Variants in DGKD observed in about 807,000 individuals in gnomAD.
The protein encoded by DGKD is diacylglycerol kinase delta.
DGKD carries 68 observed loss-of-function variants against 154.4 expected under a neutral mutation model. The ratio of observed to expected loss-of-function variants is 0.44; its 90% CI spans 0.36 to 0.54. DGKD has a LOEUF of 0.54. Among genes scored for constraint, DGKD ranks in the 20% least tolerant of loss-of-function variants. The probability of loss-of-function intolerance (pLI) is 0.00; values close to 1 mark genes in which losing one functional copy is unlikely to be tolerated. For missense variants in DGKD, 1,343 were observed against 1,593.6 expected (o/e 0.84, Z 2.68); for synonymous variants, 693 against 638.0 (o/e 1.09, Z -1.30).
At chr2:233,463,542 C>T (rs1575176303) in intron 26 of DGKD, among the ~76,000 whole-genome samples, 1 of 145,706 alleles carries the variant, frequency 6.9e-6, no homozygotes, top group East Asian at 2.0e-4. Flanking sequence ...CTCCTCACTC[C>T]ACGCATCTCC....
At chr2:233,454,513 T>G in intron 18 of DGKD, 2 of 495,840 alleles carry the variant, frequency 4.0e-6, no homozygotes, top group Non-Finnish European at 8.0e-6. Flanking sequence ...GGCTTTCTCT[T>G]TAGGGGGATG....
chr2:233,419,520 C>T, intron 3 of DGKD: 2 of 846,452 alleles, frequency 2.4e-6, no homozygotes, highest in Non-Finnish European at 2.8e-6. Context: ...ATTGAGCTTC[C>T]TTGTAAGATG....
chr2:233,447,953 A>G (rs2063141319), intron 12 of DGKD, 134 bp from the exon 13 acceptor site: 1 of 1,509,284 alleles, frequency 6.6e-7, no homozygotes, highest in South Asian at 1.3e-5. Context: ...TGGCTGGGTC[A>G]GACAGTGTCT....
At chr2:233,387,768 G>T (rs547583431) in intron 1 of DGKD, among the ~76,000 whole-genome samples, 1 of 152,154 alleles carries the variant, frequency 6.6e-6, no homozygotes, top group Non-Finnish European at 1.5e-5. Flanking sequence ...GGCTGAGGGC[G>T]CGGGCCTGGA....
At chr2:233,355,977 G>A (rs1701516168) in intron 1 of DGKD, among the ~76,000 whole-genome samples, 1 of 152,224 alleles carries the variant, frequency 6.6e-6, no homozygotes, top group African/African-American at 2.4e-5. Flanking sequence ...TGGAACCATG[G>A]TCAGGACCGT....
intron 12 of DGKD, among the ~76,000 whole-genome samples, chr2:233,447,132 C>T (rs530104989): frequency 6.6e-6 from 1 of 152,194 alleles, no homozygotes; most frequent in African/African-American, 2.4e-5. Context: ...CGTTCCCTCC[C>T]CCGCCGCGGT....
At chr2:233,426,927 C>T (rs1200308223) in intron 3 of DGKD, among the ~76,000 whole-genome samples, 2 of 152,194 alleles carry the variant, frequency 1.3e-5, no homozygotes, top group Non-Finnish European at 1.5e-5. Context: ...TCAAATTGAG[C>T]ACCGGGTCAT....
intron 1 of DGKD, among the ~76,000 whole-genome samples, chr2:233,367,389 C>T (rs145666432): frequency 0.033 from 5,056 of 152,120 alleles, 269 homozygotes; most frequent in African/African-American, 0.12. Context: ...CCACCATGCC[C>T]GGCTGATTTT....
intron 1 of DGKD, among the ~76,000 whole-genome samples, chr2:233,385,572 G>A (rs1414316298): frequency 6.6e-6 from 1 of 152,178 alleles, no homozygotes; most frequent in African/African-American, 2.4e-5. Context: ...GCCCGGCATG[G>A]CCCGAGCGAA....
Position 233,442,222 on chromosome 2 carries a change from G to A in DGKD, c.1194+227G>A. 2 of 654,036 alleles carry A rather than the reference G, an allele frequency of 3.1e-6. 1 individual carries two copies. The highest frequency in any genetic ancestry group is 3.0e-5 in the South Asian group (2 of 66,196). 40.5% of individuals were successfully genotyped at this position (654,036 alleles called of 1,614,324 possible). ...GGCTCTGGCCATGATGTATGAGGGG[G>A]ACCTGAAGGGAGCTACGAAAAGAAT... On this transcript the variant is annotated intron_variant, in intron 10 of 29. Coordinates refer to ENST00000264057, the MANE Select transcript of DGKD (RefSeq NM_152879.3).
Position 233,470,005 on chromosome 2 carries a change from T to A in DGKD, c.*545T>A, listed in dbSNP as rs961149482. ...GCTCTTTCCTGGTTTGAAAGTAGCA[T>A]GGATGTTTCCAGTCTTGTTGATTGT... On this transcript the variant is annotated 3_prime_UTR_variant, in exon 30 of 30. Coordinates refer to ENST00000264057, the MANE Select transcript of DGKD (RefSeq NM_152879.3). 1 of 152,610 alleles carries A rather than the reference T, an allele frequency of 6.6e-6. No homozygotes were observed. Among genetic ancestry groups the A allele is most frequent in the African/African-American group, 2.4e-5 (1 of 41,480 alleles). 9.5% of individuals were successfully genotyped at this position (152,610 alleles called of 1,614,324 possible). A position where few individuals can be genotyped will look rare whatever the true frequency, so the allele number is the denominator to read the frequency against.
rs781273028 is a variant in DGKD at position 233,457,663 on chromosome 2, G to A, written c.2580+335G>A. On this transcript the variant is annotated intron_variant, in intron 21 of 29. Transcript: ENST00000264057. The surrounding 1 kb of genome is among the most constrained non-coding windows in gnomAD (Gnocchi z 5.5). Reference sequence around the variant, plus strand: ...GGCTAAGTTAGGTGGGCAGAGGAGAGGGGGAGGCTGTTCCAGGCAGAGAGA... The same window carrying A: ...GGCTAAGTTAGGTGGGCAGAGGAGAAGGGGAGGCTGTTCCAGGCAGAGAGA... The A allele has an allele frequency of 4.3e-6, 2 of 464,882 alleles. No individual in the cohort carries two copies. Among genetic ancestry groups the A allele is most frequent in the Non-Finnish European group, 8.5e-6 (2 of 235,748 alleles). The allele number at this position is 464,882 out of a possible 1,614,324, so 28.8% of individuals were successfully genotyped here. A position where few individuals can be genotyped will look rare whatever the true frequency, so the allele number is the denominator to read the frequency against.
chr2:233,402,657 G>T, intron 3 of DGKD, among the ~76,000 whole-genome samples: 1 of 152,354 alleles, frequency 6.6e-6, no homozygotes, highest in Admixed American at 6.5e-5. Context: ...CCGGCCGGCA[G>T]CTTGGGGACA....
In DGKD at chr2:233,454,850, C is replaced by T. The variant is rs751829089; in HGVS notation, c.2352C>T (p.Arg784=). Residue 784 remains arginine, a synonymous_variant, in exon 19 of 30, where the codon CGC becomes CGT. Transcript: ENST00000264057. ...TATCCCTGGACTTTAACAACAAGCG[C>T]GATGAGCACCCAGAGAAGTGCAGGT... is the stretch of plus-strand genomic sequence containing the variant. The part of the protein sequence containing the change: ...AKISLDFNNK[R]DEHPEKCRSR... 8.1e-6 allele frequency: 13 copies of T among 1,613,326 alleles called. No homozygotes were observed. Among genetic ancestry groups the T allele is most frequent in the Middle Eastern group, 1.6e-4 (1 of 6,084 alleles).
At position 233,427,335 on chromosome 2, in the gene DGKD, T is replaced by G. The variant is rs1441370446; in HGVS notation, c.349-7045T>G. ...TCCTGTTGAGTTCAGTTTATTGCCC[T>G]GCTTTTTTTTTTTTTTTTTTTTTGA... On this transcript the variant is annotated intron_variant, in intron 3 of 29. Transcript: ENST00000264057. Among the ~76,000 whole-genome samples the G allele has an allele frequency of 3.8e-5, 5 of 131,434 alleles. No homozygotes were observed. In the East Asian group the frequency reaches 1.1e-3, roughly 29 times the overall value. 86.2% of individuals were successfully genotyped at this position (131,434 alleles called of 152,430 possible).
At chr2:233,371,686 T>C (rs1702331262) in intron 1 of DGKD, among the ~76,000 whole-genome samples, 1 of 152,256 alleles carries the variant, frequency 6.6e-6, no homozygotes, top group Admixed American at 6.5e-5. Flanking sequence ...ATTTAGTCTT[T>C]GATCCATTTT....
chr2:233,437,352 G>A (rs779848067), intron 7 of DGKD, 25 bp from the exon 8 acceptor site: 2 of 1,605,850 alleles, frequency 1.2e-6, no homozygotes, highest in Admixed American at 1.7e-5. Flanking sequence ...AGTGACCCTT[G>A]GTGACGCGGG....
In DGKD at chr2:233,438,075, T is replaced by G; in HGVS notation, c.923-142T>G. 1 of 936,184 alleles carries G rather than the reference T, an allele frequency of 1.1e-6. No homozygotes were observed. The highest frequency in any genetic ancestry group is 1.6e-6 in the Non-Finnish European group (1 of 611,582). 58.0% of individuals were successfully genotyped at this position (936,184 alleles called of 1,614,324 possible). On this transcript the variant is annotated intron_variant, in intron 8 of 29. Transcript: ENST00000264057. This position sits in a 1 kb window ranked among gnomAD's most constrained non-coding sequence, Gnocchi z 4.1. ...ATGGAGACCGGCTGTGGGGAACTGT[T>G]CACTGACCTCCTCCTGACTTACAGG...
intron 3 of DGKD, chr2:233,392,379 T>TA (rs1024722168): frequency 2.0e-4 from 30 of 152,298 alleles, no homozygotes; most frequent in Admixed American, 1.2e-3. Context: ...TATTTCCTAA[T>TA]AAAAAAATTA....
Sources: gnomAD v4.1 joint callset for allele counts (sites outside exome capture counted in the v4.1 genomes callset) on GRCh38, gnomAD v4.1.1 for gene constraint, Gnocchi (gnomAD v3.1) non-coding constraint, MANE v1.5 for transcripts, NCBI Gene and HGNC (gene_info 2026-07-23, HGNC 2026-07-21) for gene names.